Variants in CNTN5 observed in about 807,000 individuals in gnomAD.
CNTN5 encodes contactin-5.
In CNTN5, 77 loss-of-function variants were observed where a neutral mutation model predicts 129.1. The observed-to-expected ratio is 0.60, with a 90% confidence interval of 0.50 to 0.72. CNTN5 has a LOEUF of 0.72. CNTN5 is among the 30% of genes least tolerant of loss of function. The probability of loss-of-function intolerance (pLI) is 0.00; values close to 1 mark genes in which losing one functional copy is unlikely to be tolerated. For synonymous variants in CNTN5, 509 were observed against 465.6 expected, an observed-to-expected ratio of 1.09 and a Z score of -1.20; for missense variants, 1,478 against 1,328.8, an observed-to-expected ratio of 1.11 and a Z score of -1.75.
intron 9 of CNTN5, among the ~76,000 whole-genome samples, chr11:100,053,721 T>A (rs35932824): frequency 4.7e-4 from 72 of 151,902 alleles, no homozygotes; most frequent in African/African-American, 1.7e-3. Context: ...CTATGCTTTT[T>A]ACTTACCCCA....
At chr11:100,151,714 A>G (rs185770992) in intron 13 of CNTN5, among the ~76,000 whole-genome samples, 55 of 152,302 alleles carry the variant, frequency 3.6e-4, no homozygotes, top group Non-Finnish European at 2.4e-4. Context: ...TGCAATTTAG[A>G]TAGATATGCT....
At chr11:100,034,162 A>T (rs1941863825) in intron 9 of CNTN5, among the ~76,000 whole-genome samples, 1 of 152,174 alleles carries the variant, frequency 6.6e-6, no homozygotes, top group Admixed American at 6.5e-5. Context: ...CAAGTTTTTA[A>T]CTTCTGTATA....
intron 3 of CNTN5, among the ~76,000 whole-genome samples, chr11:99,784,530 A>G (rs986619727): frequency 1.3e-5 from 2 of 152,054 alleles, no homozygotes; most frequent in Non-Finnish European, 2.9e-5. Flanking sequence ...GCTGCAATAA[A>G]CATATGTGTG....
rs576121838 is a variant in CNTN5, at chr11:100,053,969, A to G, written c.981-7243A>G. ...AGAAGACATACTCAAAATACTACGT[A>G]GTGTATTATTCAATTTACATAAAAG... On this transcript the variant is annotated intron_variant, in intron 9 of 24. Transcript: ENST00000524871. Among the ~76,000 whole-genome samples, 6 of 151,954 alleles carry G rather than the reference A, an allele frequency of 3.9e-5. 1 individual carries two copies. Among genetic ancestry groups the G allele is most frequent in the African/African-American group, 1.4e-4 (6 of 41,550 alleles).
chr11:99,645,233 C>T (rs1951910632), intron 3 of CNTN5, among the ~76,000 whole-genome samples: 1 of 120,088 alleles, frequency 8.3e-6, no homozygotes, highest in Non-Finnish European at 1.6e-5. Flanking sequence ...GCACTCCAGC[C>T]TGGGCAACAG....
intron 2 of CNTN5, among the ~76,000 whole-genome samples, chr11:99,444,009 C>A (rs1347223592): frequency 6.6e-6 from 1 of 152,018 alleles, no homozygotes; most frequent in East Asian, 1.9e-4. Context: ...ACCAGCCTGG[C>A]CAACATGGTG....
At chr11:99,489,521 A>G (rs1945951341) in intron 2 of CNTN5, among the ~76,000 whole-genome samples, 1 of 152,178 alleles carries the variant, frequency 6.6e-6, no homozygotes, top group Admixed American at 6.5e-5. Context: ...GCTTTAAGGA[A>G]TCTCAGCATT....
Position 100,298,610 on chromosome 11 carries a change from A to G in CNTN5, c.2386-552A>G, listed in dbSNP as rs1032703572. ...TGGTCAATCACAATTACTCCTTTCT[A>G]TGGTGTGCAGTTGAAGCCCATGTAA... On this transcript the variant is annotated intron_variant, in intron 19 of 24. Transcript: ENST00000524871. 3.3e-5 allele frequency among the ~76,000 whole-genome samples: 5 copies of G among 151,456 alleles called. No homozygotes were observed. In the South Asian group the frequency reaches 1.0e-3, roughly 31 times the overall value.
chr11:99,361,446 A>G (rs930185247), intron 2 of CNTN5, among the ~76,000 whole-genome samples: 6 of 152,178 alleles, frequency 3.9e-5, no homozygotes, highest in Non-Finnish European at 7.4e-5. Flanking sequence ...TGATTTGATC[A>G]TATCAGGGAT....
chr11:99,666,997 TATA>T (rs1047391598), intron 3 of CNTN5, among the ~76,000 whole-genome samples: 3 of 152,012 alleles, frequency 2.0e-5, no homozygotes, highest in African/African-American at 7.2e-5. Flanking sequence ...ATAATAGAAT[TATA>T]ATGCTTTAAT....
At chr11:99,873,584 G>GA (rs1189783110) in intron 6 of CNTN5, among the ~76,000 whole-genome samples, 2 of 152,120 alleles carry the variant, frequency 1.3e-5, no homozygotes, top group South Asian at 2.1e-4. Context: ...CATGGATGCA[G>GA]AAAAAACGGA....
intron 24 of CNTN5, among the ~76,000 whole-genome samples, chr11:100,353,181 T>C (rs981981100): frequency 2.0e-5 from 3 of 151,668 alleles, no homozygotes; most frequent in Non-Finnish European, 4.4e-5. Flanking sequence ...TCAACTTTTA[T>C]ATTTCAGTTA....
intron 9 of CNTN5, among the ~76,000 whole-genome samples, chr11:100,039,471 A>G (rs1271402032): frequency 6.6e-6 from 1 of 152,066 alleles, no homozygotes; most frequent in Non-Finnish European, 1.5e-5. Flanking sequence ...CTCGAGGAGT[A>G]TCTTTATGGC....
At chr11:100,064,669 C>T (rs1943625724) in intron 10 of CNTN5, among the ~76,000 whole-genome samples, 1 of 151,942 alleles carries the variant, frequency 6.6e-6, no homozygotes, top group Non-Finnish European at 1.5e-5. Flanking sequence ...ATTTCTGTCC[C>T]CTCTAGTTTC....
chr11:99,580,482 C>A (rs1251451834), intron 3 of CNTN5, among the ~76,000 whole-genome samples: 1 of 152,084 alleles, frequency 6.6e-6, no homozygotes, highest in Non-Finnish European at 1.5e-5. Context: ...GGTTGGTAAT[C>A]TATTAATTAT....
intron 21 of CNTN5, among the ~76,000 whole-genome samples, chr11:100,333,048 AG>A (rs549096889): frequency 3.0e-4 from 45 of 152,166 alleles, no homozygotes; most frequent in Non-Finnish European, 1.9e-4. Flanking sequence ...AAGACAAAAA[AG>A]CTCCTAGAAC....
chr11:99,635,183 G>A (rs1460933553), intron 3 of CNTN5, among the ~76,000 whole-genome samples: 2 of 152,074 alleles, frequency 1.3e-5, no homozygotes, highest in African/African-American at 4.8e-5. Flanking sequence ...TCTTCAACAT[G>A]TAGGTTACTT....
At chr11:100,055,028 T>TAA (rs137939088) in intron 9 of CNTN5, among the ~76,000 whole-genome samples, 1,956 of 91,444 alleles carry the variant, frequency 0.021, 20 homozygotes, top group Non-Finnish European at 0.03. Context: ...AGCCGTAGCC[T>TAA]AAAAAAAAAA....
At chr11:99,611,916 A>C (rs1232401029) in intron 3 of CNTN5, among the ~76,000 whole-genome samples, 1 of 152,190 alleles carries the variant, frequency 6.6e-6, no homozygotes, top group African/African-American at 2.4e-5. Flanking sequence ...TAATCCTACA[A>C]TGAAGGAGGT....
Sources: gnomAD v4.1 joint callset for allele counts (sites outside exome capture counted in the v4.1 genomes callset) on GRCh38, gnomAD v4.1.1 for gene constraint, MANE v1.5 for transcripts, NCBI Gene and HGNC (gene_info 2026-07-23, HGNC 2026-07-21) for gene names.